Variants in SEMA5A observed in about 807,000 individuals in gnomAD.
The protein encoded by SEMA5A is semaphorin-5A.
SEMA5A carries 55 observed loss-of-function variants against 135.5 expected under a neutral mutation model. The observed-to-expected ratio is 0.41, with a 90% CI of 0.33 to 0.51. The LOEUF (loss-of-function observed/expected upper bound fraction) is 0.51, where lower values mean the gene tolerates loss of function less well. SEMA5A is among the 20% of genes least tolerant of loss of function. SEMA5A has a pLI of 0.37. For synonymous variants in SEMA5A, 580 were observed against 546.5 expected, an observed-to-expected ratio of 1.06 and a Z score of -0.85; for missense variants, 1,290 against 1,419.9, an observed-to-expected ratio of 0.91 and a Z score of 1.47.
At chr5:9,323,599 A>G (rs1054260171) in intron 4 of SEMA5A, among the ~76,000 whole-genome samples, 6 of 135,056 alleles carry the variant, frequency 4.4e-5, no homozygotes. Flanking sequence ...TTGATTTTTT[A>G]TTTGTTTGAT....
chr5:9,432,913 A>C (rs1241624705), intron 2 of SEMA5A, among the ~76,000 whole-genome samples: 3 of 152,216 alleles, frequency 2.0e-5, no homozygotes, highest in Non-Finnish European at 4.4e-5. Context: ...AAATTTTTTA[A>C]AAATGAAATA....
At chr5:9,377,776 G>A (rs999174736) in intron 3 of SEMA5A, among the ~76,000 whole-genome samples, 4 of 152,186 alleles carry the variant, frequency 2.6e-5, no homozygotes, top group Non-Finnish European at 5.9e-5. Context: ...ATCAGGAGAA[G>A]TTTATGGTAT....
intron 16 of SEMA5A, among the ~76,000 whole-genome samples, chr5:9,107,366 GA>G (rs11408631): frequency 1.7e-3 from 252 of 146,954 alleles, no homozygotes; most frequent in South Asian, 5.4e-3. Context: ...AAAGGCAGGA[GA>G]AAAAAAAAAA....
intron 1 of SEMA5A, chr5:9,511,983 T>A (rs934909441): frequency 2.6e-5 from 4 of 152,224 alleles, no homozygotes; most frequent in East Asian, 3.8e-4. Flanking sequence ...TACACAGATA[T>A]CTTGTTCTCT....
intron 1 of SEMA5A, among the ~76,000 whole-genome samples, chr5:9,501,974 A>G (rs1234922744): frequency 6.6e-6 from 1 of 152,184 alleles, no homozygotes; most frequent in Non-Finnish European, 1.5e-5. Context: ...TAAGCATAAG[A>G]TGGAATTGAG....
chr5:9,252,667 G>C (rs1748860224), intron 5 of SEMA5A, among the ~76,000 whole-genome samples: 1 of 152,154 alleles, frequency 6.6e-6, no homozygotes, highest in Non-Finnish European at 1.5e-5. Context: ...GAGATGGTAG[G>C]ACAGATCCAT....
At chr5:9,382,002 T>G (rs1024642146) in intron 2 of SEMA5A, among the ~76,000 whole-genome samples, 1 of 117,960 alleles carries the variant, frequency 8.5e-6, no homozygotes, top group Non-Finnish European at 1.9e-5. Context: ...GCACATCAAG[T>G]TTCAGACACG....
At chr5:9,353,313 G>A (rs530671675) in intron 3 of SEMA5A, among the ~76,000 whole-genome samples, 25 of 47,986 alleles carry the variant, frequency 5.2e-4, no homozygotes, top group Middle Eastern at 0.01. Context: ...GGAAGGGAAG[G>A]GAAAGGAAGG....
intron 5 of SEMA5A, among the ~76,000 whole-genome samples, chr5:9,272,211 G>C (rs1750011628): frequency 6.6e-6 from 1 of 152,038 alleles, no homozygotes; most frequent in Non-Finnish European, 1.5e-5. Flanking sequence ...GCTTAGGCTT[G>C]AGTAGGTGGT....
At chr5:9,432,456 T>C (rs1347156995) in intron 2 of SEMA5A, among the ~76,000 whole-genome samples, 3 of 152,154 alleles carry the variant, frequency 2.0e-5, no homozygotes, top group Non-Finnish European at 4.4e-5. Context: ...AGCACTTTTT[T>C]TTTCATATTT....
rs189434804 is a variant in SEMA5A, at chr5:9,332,952, T to G, written c.224+4761A>C. Among the ~76,000 whole-genome samples the G allele has an allele frequency of 2.4e-3, 361 of 152,320 alleles. 2 individuals carry two copies. Among genetic ancestry groups the G allele is most frequent in the Non-Finnish European group, 1.0e-3 (70 of 68,020 alleles). ...TTTAGGCCATGTGGACTCACAGGTA[T>G]TTGTTTGAGAGCTTACAGACGAACT... On this transcript the variant is annotated intron_variant, in intron 4 of 22. Transcript: ENST00000382496.
chr5:9,345,816 T>C (rs1437656676), intron 3 of SEMA5A, among the ~76,000 whole-genome samples: 2 of 152,200 alleles, frequency 1.3e-5, no homozygotes, highest in Non-Finnish European at 2.9e-5. Flanking sequence ...ACAATACATA[T>C]ACTGTATTAT....
intron 1 of SEMA5A, among the ~76,000 whole-genome samples, chr5:9,520,959 G>A (rs555608084): frequency 6.6e-6 from 1 of 152,220 alleles, no homozygotes; most frequent in Non-Finnish European, 1.5e-5. Context: ...AATAGAGCGT[G>A]GCCTTCAGTG....
intron 1 of SEMA5A, among the ~76,000 whole-genome samples, chr5:9,495,295 C>T (rs1365188814): frequency 6.6e-6 from 1 of 152,080 alleles, no homozygotes; most frequent in East Asian, 1.9e-4. Flanking sequence ...TGAATAACAA[C>T]GTCACACAAG....
At chr5:9,331,790 T>C in intron 4 of SEMA5A, among the ~76,000 whole-genome samples, 1 of 152,254 alleles carries the variant, frequency 6.6e-6, no homozygotes, top group East Asian at 1.9e-4. Flanking sequence ...TTAAGGGTTT[T>C]GAATACTTAC....
At chr5:9,109,072 G>A (rs1208625056) in intron 15 of SEMA5A, among the ~76,000 whole-genome samples, 1 of 101,382 alleles carries the variant, frequency 9.9e-6, no homozygotes, top group Non-Finnish European at 1.8e-5. Context: ...ACGGAGTCTC[G>A]CTCTGTCGCC....
Position 9,353,084 on chromosome 5 carries a change from GAAAGGA to G in SEMA5A, c.125-15278_125-15273del, listed in dbSNP as rs1393471857. The stretch of plus-strand genomic sequence containing the variant: ...GGAAGGAAAGGAAAGGAAAGGAAAG[GAAAGGA>G]AAGGAAGGAAGGAAAGGAAAGGAAA... On this transcript the variant is annotated intron_variant, in intron 3 of 22. Coordinates refer to ENST00000382496, the MANE Select transcript of SEMA5A (RefSeq NM_003966.3). Among the ~76,000 whole-genome samples, 94 of 21,658 alleles carry G rather than the reference GAAAGGA, an allele frequency of 4.3e-3. 11 individuals are homozygous for G. The highest frequency in any genetic ancestry group is 0.013 in the African/African-American group (75 of 5,810). 14.2% of individuals were successfully genotyped at this position (21,658 alleles called of 152,430 possible).
At chr5:9,102,461 G>T (rs988451571) in intron 16 of SEMA5A, among the ~76,000 whole-genome samples, 2 of 152,126 alleles carry the variant, frequency 1.3e-5, no homozygotes, top group Non-Finnish European at 2.9e-5. Context: ...GAAACTTACA[G>T]ATAAAATTGT....
intron 5 of SEMA5A, among the ~76,000 whole-genome samples, chr5:9,291,958 C>T (rs577423779): frequency 1.3e-5 from 2 of 152,212 alleles, no homozygotes; most frequent in South Asian, 4.2e-4. Flanking sequence ...CCCTGCCCAT[C>T]CCAAGTCTCC....
Sources: allele counts gnomAD v4.1 joint callset (sites outside exome capture counted in the v4.1 genomes callset), GRCh38; gene constraint gnomAD v4.1.1; transcripts MANE v1.5; gene names NCBI Gene and HGNC (gene_info 2026-07-23, HGNC 2026-07-21).